RNF170: variants seen among roughly 807,000 people sequenced by gnomAD.
The protein encoded by RNF170 is E3 ubiquitin-protein ligase RNF170.
RNF170 carries 12 observed loss-of-function variants against 32.7 expected under a neutral mutation model. That is an observed-to-expected ratio of 0.37 (90% CI 0.24 to 0.60). The LOEUF is 0.60. Among genes scored for constraint, RNF170 ranks in the 20% least tolerant of loss-of-function variants. RNF170 has a pLI of 0.72. For synonymous variants in RNF170, 91 were observed against 103.6 expected (o/e 0.88, Z 0.74); for missense variants, 212 against 311.2 (o/e 0.68, Z 2.40).
At chr8:42,866,423 G>A (rs1804084386) in intron 4 of RNF170, among the ~76,000 whole-genome samples, 1 of 151,608 alleles carries the variant, frequency 6.6e-6, no homozygotes, top group African/African-American at 2.4e-5. Flanking sequence ...TGCTACTTGG[G>A]AGGCTACTTG....
chr8:42,862,432 G>C (rs1287563198), intron 5 of RNF170, among the ~76,000 whole-genome samples: 4 of 152,094 alleles, frequency 2.6e-5, no homozygotes, highest in Admixed American at 1.3e-4. Flanking sequence ...CATGGTTGTG[G>C]TAACAAGGAT....
At chr8:42,874,749 A>G (rs1041778697) in intron 2 of RNF170, among the ~76,000 whole-genome samples, 3 of 151,994 alleles carry the variant, frequency 2.0e-5, no homozygotes, top group African/African-American at 7.2e-5. Context: ...ATCTCAAAAA[A>G]AAACAAAAGG....
At chr8:42,858,318 C>T (rs1020612455) in intron 6 of RNF170, among the ~76,000 whole-genome samples, 7 of 151,958 alleles carry the variant, frequency 4.6e-5, no homozygotes, top group South Asian at 2.1e-4. Flanking sequence ...GAAATGTACA[C>T]GACCTCACAG....
At chr8:42,872,279 TAGC>T (rs1804579212) in intron 3 of RNF170, among the ~76,000 whole-genome samples, 1 of 152,224 alleles carries the variant, frequency 6.6e-6, no homozygotes, top group African/African-American at 2.4e-5. Flanking sequence ...TAGCAAATCT[TAGC>T]AGTCTCATAT....
At chr8:42,853,238 GCT>G (rs1802993613), downstream of RNF170, 2 of 718,432 alleles carry the variant, frequency 2.8e-6, no homozygotes, top group Admixed American at 4.1e-5. Flanking sequence ...TATACTGAAT[GCT>G]CTTTCAGGAG....
At chr8:42,869,195 C>T (rs185598047) in intron 4 of RNF170, among the ~76,000 whole-genome samples, 2 of 152,200 alleles carry the variant, frequency 1.3e-5, no homozygotes, top group African/African-American at 4.8e-5. Flanking sequence ...CAGGCGTGAG[C>T]CACAGCGCCT....
upstream of RNF170, chr8:42,896,865 G>A (rs1030255158): frequency 3.0e-5 from 9 of 304,424 alleles, no homozygotes; most frequent in East Asian, 3.4e-4. Flanking sequence ...GGGGAGGAGC[G>A]GTGTGGGCGG....
chr8:42,853,764 A>T lies in RNF170; in HGVS notation c.*2395T>A, dbSNP rs949694234. On this transcript the variant is annotated 3_prime_UTR_variant, in exon 7 of 7. Coordinates refer to ENST00000527424, the MANE Select transcript of RNF170 (RefSeq NM_030954.4). ...TTATCATCAGAGATCGGTAAAGATGACAACAAGCAGGTCTAAAGTTCTGAG... is the reference window on the plus strand; with the variant it reads ...TTATCATCAGAGATCGGTAAAGATGTCAACAAGCAGGTCTAAAGTTCTGAG... 2 of 1,287,228 alleles carry T rather than the reference A, an allele frequency of 1.6e-6. No homozygotes were observed. Among genetic ancestry groups the T allele is most frequent in the Admixed American group, 2.3e-5 (1 of 43,558 alleles). The allele number at this position is 1,287,228 out of a possible 1,614,324, so 79.7% of individuals were successfully genotyped here. A position where few individuals can be genotyped will look rare whatever the true frequency, so the allele number is the denominator to read the frequency against.
At chr8:42,896,882 G>A (rs1806978972), upstream of RNF170, 1 of 333,584 alleles carries the variant, frequency 3.0e-6, no homozygotes, top group Non-Finnish European at 5.4e-6. Flanking sequence ...GCGGCCGGGG[G>A]CGGGGACGCG....
At chr8:42,875,787 G>A (rs538886496) in intron 2 of RNF170, among the ~76,000 whole-genome samples, 154 of 152,320 alleles carry the variant, frequency 1.0e-3, no homozygotes, top group African/African-American at 3.5e-3. Flanking sequence ...ATGTTGGCCA[G>A]GCTGGTCTCG....
In RNF170 at chr8:42,854,312, T is replaced by C; in HGVS notation, c.*1847A>G. On this transcript the variant is annotated 3_prime_UTR_variant, in exon 7 of 7. Transcript: ENST00000527424. ...AACTTTCACGTCTATCTAAACATTC[T>C]ATGCAGGAGTCCTACTAAGAAATTT... 1 of 1,287,250 alleles carries C rather than the reference T, an allele frequency of 7.8e-7. No homozygotes were observed. 79.7% of individuals were successfully genotyped at this position (1,287,250 alleles called of 1,614,324 possible).
At chr8:42,859,742 G>A (rs763434781) in intron 6 of RNF170, among the ~76,000 whole-genome samples, 5 of 152,110 alleles carry the variant, frequency 3.3e-5, no homozygotes, top group Non-Finnish European at 7.4e-5. Context: ...TCTGCCTCCC[G>A]GGCTCAAGCA....
At chr8:42,879,926 C>T (rs564148868) in intron 2 of RNF170, among the ~76,000 whole-genome samples, 6 of 152,140 alleles carry the variant, frequency 3.9e-5, no homozygotes, top group Middle Eastern at 3.2e-3. Context: ...CTGCCTGCCT[C>T]GCCCTCCCAA....
At chr8:42,878,040 GCAATCAAT>G (rs59449693) in intron 2 of RNF170, among the ~76,000 whole-genome samples, 195 of 151,518 alleles carry the variant, frequency 1.3e-3, no homozygotes, top group South Asian at 2.9e-3. Context: ...GGTTATACTT[GCAATCAAT>G]CAATCAATCA....
intron 2 of RNF170, among the ~76,000 whole-genome samples, chr8:42,885,019 ATC>A (rs1805709416): frequency 1.7e-5 from 1 of 57,214 alleles, no homozygotes; most frequent in South Asian, 6.4e-4. Flanking sequence ...TTAAAAATGC[ATC>A]TGTGTAACTG....
intron 6 of RNF170, among the ~76,000 whole-genome samples, chr8:42,859,597 A>G (rs755197398): frequency 3.3e-5 from 5 of 152,002 alleles, no homozygotes; most frequent in Non-Finnish European, 7.4e-5. Context: ...ACTGCACTCC[A>G]GCCTGGGAAA....
chr8:42,862,516 C>T (rs1345725651), intron 5 of RNF170, among the ~76,000 whole-genome samples: 7 of 152,236 alleles, frequency 4.6e-5, no homozygotes, highest in South Asian at 2.1e-4. Flanking sequence ...CACTTTAGGA[C>T]GTAGCACCCT....
At chr8:42,871,114 G>A (rs1398618165) in intron 3 of RNF170, among the ~76,000 whole-genome samples, 2 of 151,988 alleles carry the variant, frequency 1.3e-5, no homozygotes, top group African/African-American at 4.8e-5. Flanking sequence ...GGAGGGTGAG[G>A]TGGGAGAATC....
chr8:42,879,769 G>C (rs535055113), intron 2 of RNF170, among the ~76,000 whole-genome samples: 1 of 152,070 alleles, frequency 6.6e-6, no homozygotes, highest in South Asian at 2.1e-4. Context: ...CTGTCTCCCA[G>C]GTTCAAGCAA....
Sources: allele counts gnomAD v4.1 joint callset (sites outside exome capture counted in the v4.1 genomes callset), GRCh38; gene constraint gnomAD v4.1.1; transcripts MANE v1.5; gene names NCBI Gene and HGNC (gene_info 2026-07-23, HGNC 2026-07-21).